Variants in CRTC1 observed in about 807,000 individuals in gnomAD.
CRTC1 encodes CREB-regulated transcription coactivator 1.
Under a neutral mutation model 66.1 loss-of-function variants are expected in CRTC1, and 18 were observed. That is an observed-to-expected ratio of 0.27 (90% CI 0.19 to 0.40). CRTC1 has a LOEUF of 0.40. CRTC1 is among the 10% of genes least tolerant of loss of function. CRTC1 has a pLI of 1.00. For missense variants in CRTC1, 669 were observed against 887.9 expected (o/e 0.75, Z 3.13); for synonymous variants, 416 against 398.8 (o/e 1.04, Z -0.51).
At chr19:18,776,257 A>G (rs1406590238) in intron 13 of CRTC1, among the ~76,000 whole-genome samples, 1 of 152,186 alleles carries the variant, frequency 6.6e-6, no homozygotes, top group African/African-American at 2.4e-5. Context: ...CAGGGCCGTG[A>G]TGCACCGTGA....
At chr19:18,684,167 T>C (rs1290260114) in intron 1 of CRTC1, among the ~76,000 whole-genome samples, 1 of 151,384 alleles carries the variant, frequency 6.6e-6, no homozygotes, top group Non-Finnish European at 1.5e-5. Context: ...CCCTACATCA[T>C]TGTTACCCGA....
At chr19:18,746,313 G>A (rs1489195914) in intron 3 of CRTC1, among the ~76,000 whole-genome samples, 1 of 152,212 alleles carries the variant, frequency 6.6e-6, no homozygotes, top group East Asian at 1.9e-4. Flanking sequence ...AGGGCTGTGA[G>A]CTGATGAGGC....
intron 1 of CRTC1, among the ~76,000 whole-genome samples, chr19:18,691,839 G>A (rs149135599): frequency 4.4e-4 from 67 of 151,990 alleles, no homozygotes; most frequent in African/African-American, 1.5e-3. Context: ...TCAGCCTCCC[G>A]AGTAACTGGG....
chr19:18,779,375 G>T lies in CRTC1; in HGVS notation c.*1993G>T, dbSNP rs2055059741. 8.8e-6 allele frequency: 2 copies of T among 227,026 alleles called. No homozygotes were observed. Among genetic ancestry groups the T allele is most frequent in the East Asian group, 1.3e-4 (2 of 15,820 alleles). 14.1% of individuals were successfully genotyped at this position (227,026 alleles called of 1,614,324 possible). On this transcript the variant is annotated 3_prime_UTR_variant, in exon 14 of 14. Coordinates refer to ENST00000321949, the MANE Select transcript of CRTC1 (RefSeq NM_015321.3). Reference sequence around the variant, plus strand: ...GCTCCTGCTGCCGTCTTGTTCCAAGGTGCGGGGGGGACACTGTTGGTCTGT... The same window carrying T: ...GCTCCTGCTGCCGTCTTGTTCCAAGTTGCGGGGGGGACACTGTTGGTCTGT...
chr19:18,775,967 C>T (rs2054979561), intron 13 of CRTC1, 146 bp downstream of exon 13: 1 of 843,812 alleles, frequency 1.2e-6, no homozygotes, highest in Non-Finnish European at 1.8e-6. Flanking sequence ...GAGGCCACAC[C>T]CCCTCTCCCC....
At chr19:18,711,424 C>A (rs2053389152) in intron 1 of CRTC1, among the ~76,000 whole-genome samples, 1 of 152,180 alleles carries the variant, frequency 6.6e-6, no homozygotes. Flanking sequence ...TGCCAGGAAT[C>A]CGGGCCCTGA....
Position 18,771,414 on chromosome 19 carries a change from C to T in CRTC1, c.1321-28C>T, listed in dbSNP as rs774870001. Reference sequence around the variant, plus strand: ...AGCCCGGGCTTGGGCAGCTGGGCTGCGGCGTGCTGATCTGTCTGTCATCGC... The same window carrying T: ...AGCCCGGGCTTGGGCAGCTGGGCTGTGGCGTGCTGATCTGTCTGTCATCGC... On this transcript the variant is annotated intron_variant, in intron 10 of 13. Transcript: ENST00000321949. This position sits in a 1 kb window ranked among gnomAD's most constrained non-coding sequence, Gnocchi z 4.6. 24 of 1,584,016 alleles carry T rather than the reference C, an allele frequency of 1.5e-5. No individual in the cohort carries two copies. The highest frequency in any genetic ancestry group is 6.8e-5 in the African/African-American group (5 of 73,822).
In CRTC1 at chr19:18,768,903, C is replaced by T; in HGVS notation, c.1320+110C>T. On this transcript the variant is annotated intron_variant, in intron 10 of 13. Transcript: ENST00000321949. The surrounding 1 kb of genome is among the most constrained non-coding windows in gnomAD (Gnocchi z 5.6). ...GCTGCATGGGCCAGGGGTCAGAACC[C>T]CAGCGAACGCTGCCTGGGCCCACCT... The T allele has an allele frequency of 7.4e-7, 1 of 1,356,988 alleles. No individual in the cohort carries two copies. The highest frequency in any genetic ancestry group is 1.5e-5 in the South Asian group (1 of 66,246). The allele number at this position is 1,356,988 out of a possible 1,614,324, so 84.1% of individuals were successfully genotyped here.
intron 9 of CRTC1, among the ~76,000 whole-genome samples, chr19:18,765,891 G>T (rs1338492195): frequency 6.6e-6 from 1 of 152,060 alleles, no homozygotes; most frequent in African/African-American, 2.4e-5. Flanking sequence ...AGCCCAGGGG[G>T]TGGAGGCTGC....
At position 18,747,088 on chromosome 19, in the gene CRTC1, A is replaced by G. The variant is rs1423949660; in HGVS notation, c.417A>G (p.Ser139=). The part of the protein sequence containing the change: ...DSCPYGTMYL[S]PPADTSWRRT... The stretch of plus-strand genomic sequence containing the variant: ...GCCCCTATGGCACCATGTACCTCTC[A>G]CCACCCGCGGACACCAGCTGGAGAA... Residue 139 remains serine, a synonymous_variant, in exon 4 of 14, where the codon TCA becomes TCG. Transcript: ENST00000321949. 3.1e-6 allele frequency: 5 copies of G among 1,594,942 alleles called. No individual in the cohort carries two copies. In the African/African-American group the frequency reaches 7.3e-5, roughly 23 times the overall value.
chr19:18,756,320 C>G (rs889997775), intron 6 of CRTC1, among the ~76,000 whole-genome samples: 1 of 87,528 alleles, frequency 1.1e-5, no homozygotes, highest in Non-Finnish European at 2.0e-5. Context: ...GCACCAAGAG[C>G]GAAAACTCCA....
Position 18,725,899 on chromosome 19 carries a change from C to G in CRTC1, c.127-17011C>G, listed in dbSNP as rs536119743. Among the ~76,000 whole-genome samples, 35 of 152,364 alleles carry G rather than the reference C, an allele frequency of 2.3e-4. 1 individual carries two copies. In the South Asian group the frequency reaches 7.2e-3, roughly 32 times the overall value. On this transcript the variant is annotated intron_variant, in intron 1 of 13. Coordinates refer to ENST00000321949, the MANE Select transcript of CRTC1 (RefSeq NM_015321.3). The stretch of plus-strand genomic sequence containing the variant: ...GGGCTGCCGGTCACCCTGGCTGCTC[C>G]TGCTGCCCAGATCCCCTGGGGACAT...
At position 18,696,529 on chromosome 19, in the gene CRTC1, G is replaced by T. The variant is rs139070426; in HGVS notation, c.126+12701G>T. On this transcript the variant is annotated intron_variant, in intron 1 of 13. Coordinates refer to ENST00000321949, the MANE Select transcript of CRTC1 (RefSeq NM_015321.3). ...GCACAGATGAGAAATTGAGGCACAG[G>T]AGGTCACATGGCTGACGGTGGGAGG... Among the ~76,000 whole-genome samples, 117 of 152,288 alleles carry T rather than the reference G, an allele frequency of 7.7e-4. 1 individual carries two copies. Among genetic ancestry groups the T allele is most frequent in the Middle Eastern group, 3.4e-3 (1 of 294 alleles).
At chr19:18,746,034 C>T (rs937333899) in intron 3 of CRTC1, 74 bp downstream of exon 3, 1 of 1,518,344 alleles carries the variant, frequency 6.6e-7, no homozygotes, top group South Asian at 1.3e-5. Context: ...GTTTACCCAG[C>T]AGGTTCTGAC....
intron 3 of CRTC1, 137 bp from the exon 4 acceptor site, chr19:18,746,916 C>T: frequency 2.8e-6 from 2 of 718,620 alleles, no homozygotes; most frequent in South Asian, 3.3e-5. Context: ...GAAACGCCCC[C>T]CGCCCTACTG....
intron 1 of CRTC1, among the ~76,000 whole-genome samples, chr19:18,703,208 C>T (rs996982404): frequency 3.3e-5 from 5 of 151,988 alleles, no homozygotes; most frequent in African/African-American, 7.2e-5. Flanking sequence ...AGGACGGTCT[C>T]GGTCAGGATA....
rs1384630526 is a variant in CRTC1 at position 18,759,933 on chromosome 19, C to CCCGCCAGCCCCCTGTCCCCG, written c.666-63_666-44dup. On this transcript the variant is annotated intron_variant, in intron 7 of 13. Coordinates refer to ENST00000321949, the MANE Select transcript of CRTC1 (RefSeq NM_015321.3). ...GGCCTTTTGCACCCGCTGATTTTCT[C>CCCGCCAGCCCCCTGTCCCCG]CCGCCAGCCCCCTGTCCCCGCCGCC... The CCCGCCAGCCCCCTGTCCCCG allele has an allele frequency of 1.7e-4, 167 of 991,336 alleles. No homozygotes were observed. In the East Asian group the frequency reaches 1.8e-3, roughly 11 times the overall value. 61.4% of individuals were successfully genotyped at this position (991,336 alleles called of 1,614,324 possible).
chr19:18,771,585 C>T lies in CRTC1; in HGVS notation c.1425+39C>T, dbSNP rs759804709. On this transcript the variant is annotated intron_variant, in intron 11 of 13. Transcript: ENST00000321949. The surrounding 1 kb of genome is among the most constrained non-coding windows in gnomAD (Gnocchi z 4.6). ...CCTCCCCCTTGGCCTGTGGGCTCCA[C>T]GCTTGTCTTGTTCATGCCCCGTGTG... 8.0e-6 allele frequency: 12 copies of T among 1,504,994 alleles called. No homozygotes were observed. In the East Asian group the frequency reaches 9.4e-5, roughly 12 times the overall value. 93.2% of individuals were successfully genotyped at this position (1,504,994 alleles called of 1,614,324 possible). A position where few individuals can be genotyped will look rare whatever the true frequency, so the allele number is the denominator to read the frequency against.
At position 18,760,379 on chromosome 19, in the gene CRTC1, A is replaced by G; in HGVS notation, c.886+151A>G. On this transcript the variant is annotated intron_variant, in intron 8 of 13. Coordinates refer to ENST00000321949, the MANE Select transcript of CRTC1 (RefSeq NM_015321.3). This position sits in a 1 kb window ranked among gnomAD's most constrained non-coding sequence, Gnocchi z 6.2. ...GCCGACAGGCTGACCCAGCGGGCAC[A>G]GGCATCCCAGGTAGGGGTGGGGCCT... 1 of 667,040 alleles carries G rather than the reference A, an allele frequency of 1.5e-6. No individual in the cohort carries two copies. The highest frequency in any genetic ancestry group is 2.6e-6 in the Non-Finnish European group (1 of 390,952). 41.3% of individuals were successfully genotyped at this position (667,040 alleles called of 1,614,324 possible). A position where few individuals can be genotyped will look rare whatever the true frequency, so the allele number is the denominator to read the frequency against.
Sources: allele counts gnomAD v4.1 joint callset (sites outside exome capture counted in the v4.1 genomes callset), GRCh38; gene constraint gnomAD v4.1.1; non-coding constraint Gnocchi (gnomAD v3.1); transcripts MANE v1.5; gene names NCBI Gene and HGNC (gene_info 2026-07-23, HGNC 2026-07-21).